The following CACNA1D variants were observed in gnomAD, a reference collection of about 807,000 sequenced individuals.
CACNA1D encodes voltage-dependent L-type calcium channel subunit alpha-1D.
CACNA1D carries 55 observed loss-of-function variants against 257.1 expected under a neutral mutation model. The observed-to-expected ratio is 0.21, with a 90% confidence interval of 0.17 to 0.27. CACNA1D has a LOEUF of 0.27. Among genes scored for constraint, CACNA1D ranks in the 10% least tolerant of loss-of-function variants. CACNA1D has a pLI of 1.00. For synonymous variants in CACNA1D, 980 were observed against 1,014.9 expected, an observed-to-expected ratio of 0.97 and a Z score of 0.65; for missense variants, 1,876 against 2,784.0, an observed-to-expected ratio of 0.67 and a Z score of 7.34.
intron 29 of CACNA1D, among the ~76,000 whole-genome samples, chr3:53,755,312 A>G (rs894384565): frequency 2.0e-4 from 31 of 151,972 alleles, no homozygotes; most frequent in Admixed American, 2.6e-4. Flanking sequence ...ACACTCACCC[A>G]TGGTGTGTAT....
At chr3:53,538,141 GTTTTTTTTTTTTTT>G (rs538996336) in intron 3 of CACNA1D, among the ~76,000 whole-genome samples, 8 of 90,478 alleles carry the variant, frequency 8.8e-5, no homozygotes, top group Admixed American at 5.6e-4. Context: ...AGTTTTTGAA[GTTTTTTTTTTTTTT>G]TTTTTTTTTT....
intron 40 of CACNA1D, chr3:53,797,649 A>T (rs2095513940): frequency 6.6e-6 from 1 of 152,186 alleles, no homozygotes; most frequent in Non-Finnish European, 1.5e-5. Flanking sequence ...CTTGTGTATC[A>T]CTGAAGATGT....
At chr3:53,770,356 C>G in intron 31 of CACNA1D, 68 bp from the exon 32 acceptor site, 1 of 1,454,236 alleles carries the variant, frequency 6.9e-7, no homozygotes, top group Non-Finnish European at 9.7e-7. Flanking sequence ...GCATCTGTTG[C>G]TGTTTTTCTG....
At chr3:53,765,324 T>C (rs958002446) in intron 30 of CACNA1D, 1 of 152,680 alleles carries the variant, frequency 6.5e-6, no homozygotes, top group Non-Finnish European at 1.5e-5. Context: ...TGGTTCATCA[T>C]TGGCTGGTTG....
At chr3:53,694,292 G>A (rs959319238) in intron 8 of CACNA1D, among the ~76,000 whole-genome samples, 1 of 152,212 alleles carries the variant, frequency 6.6e-6, no homozygotes, top group Non-Finnish European at 1.5e-5. Context: ...TCCCTGGAGT[G>A]GTGCTTACTG....
intron 7 of CACNA1D, among the ~76,000 whole-genome samples, chr3:53,671,747 T>C (rs1181033094): frequency 1.3e-5 from 2 of 152,230 alleles, no homozygotes; most frequent in Non-Finnish European, 2.9e-5. Context: ...TTTTTTAATG[T>C]TCACTTTCCC....
chr3:53,665,559 A>G (rs1440141254), intron 5 of CACNA1D, 101 bp from the exon 6 acceptor site: 1 of 888,224 alleles, frequency 1.1e-6, no homozygotes, highest in Non-Finnish European at 1.9e-6. Context: ...GAATTTTATT[A>G]CTATGTGTTC....
At chr3:53,718,034 G>A (rs2094838180) in intron 9 of CACNA1D, among the ~76,000 whole-genome samples, 1 of 152,182 alleles carries the variant, frequency 6.6e-6, no homozygotes, top group South Asian at 2.1e-4. Context: ...TGATCCCTTA[G>A]CTTCCTTTCT....
intron 3 of CACNA1D, among the ~76,000 whole-genome samples, chr3:53,634,237 G>A (rs578215942): frequency 6.6e-6 from 1 of 152,310 alleles, no homozygotes; most frequent in Non-Finnish European, 1.5e-5. Context: ...TGGTTACAGA[G>A]TATTAATGAA....
chr3:53,772,144 CGTACTT>C (rs1310746860), intron 32 of CACNA1D, among the ~76,000 whole-genome samples: 2 of 152,198 alleles, frequency 1.3e-5, no homozygotes, highest in Non-Finnish European at 2.9e-5. Flanking sequence ...GTCAGACACT[CGTACTT>C]GTATTTGGTG....
chr3:53,726,933 G>A lies in CACNA1D; in HGVS notation c.2155G>A (p.Gly719Arg). The change falls in exon 15 of 48, where the codon GGG (glycine) becomes AGG (arginine). Residue 719 changes from glycine to arginine, a missense_variant. Around this residue, in one of 10 missense-constraint regions of CACNA1D, gnomAD observed 257 missense variants for 399.7 expected, o/e 0.64. Transcript: ENST00000350061. ...GATGTACGATGGCATCATGGCTTACGGGGGCCCATCCTCTTCAGGAATGAT... is the reference window on the plus strand; with the variant it reads ...GATGTACGATGGCATCATGGCTTACAGGGGCCCATCCTCTTCAGGAATGAT... The part of the protein sequence containing the change: ...AVMYDGIMAY[G>R]GPSSSGMIVC... 2 of 1,614,072 alleles carry A rather than the reference G, an allele frequency of 1.2e-6. No homozygotes were observed. Among genetic ancestry groups the A allele is most frequent in the Non-Finnish European group, 1.7e-6 (2 of 1,179,930 alleles).
In CACNA1D at chr3:53,673,562, G is replaced by GAA. The variant is rs10707009; in HGVS notation, c.1220+450_1220+451dup. 2,331 of 585,788 alleles carry GAA rather than the reference G, an allele frequency of 4.0e-3. No homozygotes were observed. The highest frequency in any genetic ancestry group is 4.8e-3 in the Non-Finnish European group (1,560 of 328,368). 36.3% of individuals were successfully genotyped at this position (585,788 alleles called of 1,614,324 possible). A position where few individuals can be genotyped will look rare whatever the true frequency, so the allele number is the denominator to read the frequency against. ...GCCGCTGAGCTTGTCCTTATTTGCA[G>GAA]AAAAAAAAAAAAAAAGGGAAGGACC... On this transcript the variant is annotated intron_variant, in intron 8 of 47. Coordinates refer to ENST00000350061, the MANE Select transcript of CACNA1D (RefSeq NM_001128840.3). The surrounding 1 kb of genome is among the most constrained non-coding windows in gnomAD (Gnocchi z 4.1).
chr3:53,641,474 G>C (rs1225503331), intron 3 of CACNA1D, among the ~76,000 whole-genome samples: 5 of 152,166 alleles, frequency 3.3e-5, no homozygotes, highest in Non-Finnish European at 5.9e-5. Flanking sequence ...ATCATGCCTG[G>C]TATGGAGCAG....
rs79400335 is a variant in CACNA1D, at chr3:53,774,185, A to G, written c.4111-402A>G. 4.8e-5 allele frequency: 12 copies of G among 250,560 alleles called. No homozygotes were observed. Among genetic ancestry groups the G allele is most frequent in the Non-Finnish European group, 7.9e-5 (10 of 127,118 alleles). The allele number at this position is 250,560 out of a possible 1,614,324, so 15.5% of individuals were successfully genotyped here. A position where few individuals can be genotyped will look rare whatever the true frequency, so the allele number is the denominator to read the frequency against. On this transcript the variant is annotated intron_variant, in intron 33 of 47. Transcript: ENST00000350061. This position sits in a 1 kb window ranked among gnomAD's most constrained non-coding sequence, Gnocchi z 4.3. ...CTTCGCCTTTCCTATCACCTGATGTATCTTTCAGTTCTGAGTTTACATGTC... is the reference window on the plus strand; with the variant it reads ...CTTCGCCTTTCCTATCACCTGATGTGTCTTTCAGTTCTGAGTTTACATGTC...
At position 53,718,290 on chromosome 3, in the gene CACNA1D, T is replaced by C; in HGVS notation, c.1391-11T>C. The C allele has an allele frequency of 6.2e-7, 1 of 1,612,786 alleles. No individual in the cohort carries two copies. The highest frequency in any genetic ancestry group is 8.5e-7 in the Non-Finnish European group (1 of 1,178,964). On this transcript the variant is annotated splice_polypyrimidine_tract_variant and intron_variant, in intron 9 of 47. Coordinates refer to ENST00000350061, the MANE Select transcript of CACNA1D (RefSeq NM_001128840.3). ...CCCGCATGCTCTCTGAAGCCCGTCT[T>C]CTCCCCACAGCTAGCATGCCCACCA...
chr3:53,659,966 G>A (rs972064632), intron 4 of CACNA1D, among the ~76,000 whole-genome samples, 167 bp from the exon 5 acceptor site: 11 of 152,304 alleles, frequency 7.2e-5, no homozygotes, highest in Admixed American at 5.2e-4. Context: ...TGGAGATGGC[G>A]TCGTTTGTAT....
intron 3 of CACNA1D, among the ~76,000 whole-genome samples, chr3:53,639,847 A>G (rs1576192392): frequency 7.1e-6 from 1 of 140,586 alleles, no homozygotes; most frequent in Non-Finnish European, 1.5e-5. Flanking sequence ...TGAAATGTTC[A>G]CTCATTTCTT....
intron 40 of CACNA1D, chr3:53,797,893 T>G (rs1391803667): frequency 2.6e-5 from 4 of 152,242 alleles, no homozygotes; most frequent in Non-Finnish European, 5.9e-5. Context: ...TGTACCAAAT[T>G]TACTTGGGGG....
At chr3:53,510,750 A>C (rs76691401) in intron 3 of CACNA1D, among the ~76,000 whole-genome samples, 2,304 of 152,232 alleles carry the variant, frequency 0.015, 33 homozygotes, top group Non-Finnish European at 0.02. Flanking sequence ...GCTGTACAAA[A>C]GGAAGTCTTG....
Sources: gnomAD v4.1 joint callset for allele counts (sites outside exome capture counted in the v4.1 genomes callset) on GRCh38, gnomAD v4.1.1 for gene constraint, gnomAD v4.1.1 regional missense constraint, Gnocchi (gnomAD v3.1) non-coding constraint, MANE v1.5 for transcripts, NCBI Gene and HGNC (gene_info 2026-07-23, HGNC 2026-07-21) for gene names.